Variants in ZCCHC7 observed in about 807,000 individuals in gnomAD.
The protein encoded by ZCCHC7 is zinc finger CCHC-type containing 7.
In ZCCHC7, 35 loss-of-function variants were observed where a neutral mutation model predicts 52.0. The ratio of observed to expected loss-of-function variants is 0.67; its 90% confidence interval spans 0.51 to 0.89. The LOEUF (loss-of-function observed/expected upper bound fraction) is 0.89. ZCCHC7 is among the 40% of genes least tolerant of loss of function. The pLI, the probability that ZCCHC7 is intolerant of heterozygous loss-of-function variation, is 0.00. For missense variants in ZCCHC7, 574 were observed against 649.1 expected (o/e 0.88, Z 1.26); for synonymous variants, 217 against 221.5 (o/e 0.98, Z 0.18).
chr9:37,143,193 C>T (rs1843302415), intron 2 of ZCCHC7, among the ~76,000 whole-genome samples: 1 of 151,530 alleles, frequency 6.6e-6, no homozygotes, highest in Non-Finnish European at 1.5e-5. Flanking sequence ...TTTGTTCTTC[C>T]TCTTCCTTTT....
intron 2 of ZCCHC7, among the ~76,000 whole-genome samples, chr9:37,199,905 G>A (rs984184947): frequency 2.9e-5 from 4 of 137,760 alleles, no homozygotes; most frequent in Admixed American, 1.4e-4. Flanking sequence ...GGGGTTTCAC[G>A]GTGTTGGCCA....
chr9:37,268,083 C>T (rs1189366550), intron 2 of ZCCHC7, among the ~76,000 whole-genome samples: 1 of 152,128 alleles, frequency 6.6e-6, no homozygotes, highest in Non-Finnish European at 1.5e-5. Flanking sequence ...CTTATAATGC[C>T]ATTCAAGTAC....
intron 2 of ZCCHC7, among the ~76,000 whole-genome samples, chr9:37,288,705 CA>C (rs1352492219): frequency 1.3e-5 from 2 of 152,132 alleles, no homozygotes; most frequent in African/African-American, 4.8e-5. Context: ...CTATTGGTGG[CA>C]TTTACCATAA....
In ZCCHC7 at chr9:37,353,344, G is replaced by A. The variant is rs1204209474; in HGVS notation, c.1084-1366G>A. ...TGCCAAGTTGGAAGGACCACTTGAG[G>A]CTGCCAGTTTGAGACCAGCCTTGGT... On this transcript the variant is annotated intron_variant, in intron 7 of 8. Transcript: ENST00000336755. Among the ~76,000 whole-genome samples the A allele has an allele frequency of 2.0e-5, 3 of 152,320 alleles. No individual in the cohort carries two copies. In the East Asian group the frequency reaches 5.8e-4, roughly 29 times the overall value.
chr9:37,120,507 T>G, upstream of ZCCHC7: 1 of 399,060 alleles, frequency 2.5e-6, no homozygotes, highest in Non-Finnish European at 4.4e-6. Flanking sequence ...TCCCCGGAAG[T>G]GCCTTCCCTC....
intron 2 of ZCCHC7, among the ~76,000 whole-genome samples, chr9:37,230,703 A>C (rs1207453489): frequency 1.3e-5 from 2 of 152,150 alleles, no homozygotes; most frequent in African/African-American, 4.8e-5. Flanking sequence ...GATATTGCAG[A>C]TCCTAGAACA....
At chr9:37,132,524 G>A (rs543793593) in intron 2 of ZCCHC7, among the ~76,000 whole-genome samples, 1 of 151,214 alleles carries the variant, frequency 6.6e-6, no homozygotes, top group South Asian at 2.1e-4. Context: ...ATATATGTAT[G>A]TATGTGTATG....
Position 37,279,410 on chromosome 9 carries a change from T to TA in ZCCHC7, c.611-22768dup, listed in dbSNP as rs200565840. The stretch of plus-strand genomic sequence containing the variant: ...TATTTCAGTTCTTAGAACAGACACT[T>TA]AAAAAAAAAAGACAAAAAAACATAA... On this transcript the variant is annotated intron_variant, in intron 2 of 8. Coordinates refer to ENST00000336755, the MANE Select transcript of ZCCHC7 (RefSeq NM_032226.3). 1.1e-3 allele frequency among the ~76,000 whole-genome samples: 163 copies of TA among 146,934 alleles called. No individual in the cohort carries two copies. The East Asian group carries it at 0.024, about 21-fold the overall frequency.
At chr9:37,328,569 A>G (rs1036111791) in intron 6 of ZCCHC7, among the ~76,000 whole-genome samples, 2 of 151,930 alleles carry the variant, frequency 1.3e-5, no homozygotes, top group African/African-American at 4.8e-5. Flanking sequence ...GCAACAGACC[A>G]TTATTCTTTT....
intron 2 of ZCCHC7, among the ~76,000 whole-genome samples, chr9:37,285,458 G>A (rs186074002): frequency 7.1e-4 from 107 of 150,870 alleles, no homozygotes; most frequent in Middle Eastern, 3.4e-3. Context: ...ATTCTTCTTC[G>A]TCTCTTATTT....
intron 2 of ZCCHC7, among the ~76,000 whole-genome samples, chr9:37,140,907 A>G (rs554231195): frequency 1.5e-4 from 23 of 152,042 alleles, no homozygotes; most frequent in Non-Finnish European, 2.8e-4. Flanking sequence ...GCAAATTTCT[A>G]AAGCAGTATT....
chr9:37,204,136 C>CA (rs1202609422), intron 2 of ZCCHC7, among the ~76,000 whole-genome samples: 1 of 152,088 alleles, frequency 6.6e-6, no homozygotes, highest in African/African-American at 2.4e-5. Flanking sequence ...ATTCTTTGCC[C>CA]ACTTTTTGAT....
At chr9:37,173,098 C>G (rs1349542207) in intron 2 of ZCCHC7, among the ~76,000 whole-genome samples, 2 of 129,558 alleles carry the variant, frequency 1.5e-5, no homozygotes, top group Non-Finnish European at 3.3e-5. Context: ...AGCAACGTGG[C>G]CATTCCAATA....
At chr9:37,301,971 C>G (rs553282974) in intron 2 of ZCCHC7, among the ~76,000 whole-genome samples, 10 of 152,156 alleles carry the variant, frequency 6.6e-5, no homozygotes, top group African/African-American at 2.4e-4. Flanking sequence ...TACTATTATC[C>G]CATTTCACAG....
chr9:37,328,044 A>G (rs1384038474), intron 6 of ZCCHC7, among the ~76,000 whole-genome samples: 2 of 151,998 alleles, frequency 1.3e-5, no homozygotes, highest in African/African-American at 4.8e-5. Context: ...TGATTTTTTT[A>G]TTACTCACAT....
intron 5 of ZCCHC7, among the ~76,000 whole-genome samples, chr9:37,313,009 G>GA (rs1256349610): frequency 6.6e-6 from 1 of 152,144 alleles, no homozygotes; most frequent in Non-Finnish European, 1.5e-5. Context: ...ACTCATCTCT[G>GA]AAAAAACTAA....
At chr9:37,303,298 G>A (rs1370490404) in intron 3 of ZCCHC7, among the ~76,000 whole-genome samples, 4 of 151,888 alleles carry the variant, frequency 2.6e-5, no homozygotes, top group Non-Finnish European at 4.4e-5. Flanking sequence ...GGTGGCGGGC[G>A]CCTGTAGTCC....
intron 5 of ZCCHC7, among the ~76,000 whole-genome samples, chr9:37,306,662 A>G (rs1209328286): frequency 5.3e-5 from 7 of 133,102 alleles, no homozygotes; most frequent in African/African-American, 2.0e-4. Flanking sequence ...ACGGGGTTTC[A>G]CCACGTTGGC....
chr9:37,244,144 C>T (rs568543332), intron 2 of ZCCHC7, among the ~76,000 whole-genome samples: 36 of 151,430 alleles, frequency 2.4e-4, no homozygotes, highest in African/African-American at 8.5e-4. Flanking sequence ...TTTTGCTTCT[C>T]ATACTAGCCA....
Sources: allele counts gnomAD v4.1 joint callset (sites outside exome capture counted in the v4.1 genomes callset), GRCh38; gene constraint gnomAD v4.1.1; transcripts MANE v1.5; gene names NCBI Gene and HGNC (gene_info 2026-07-23, HGNC 2026-07-21).